The following SCCPDH variants were observed in gnomAD, a reference collection of about 807,000 sequenced individuals.
SCCPDH encodes saccharopine dehydrogenase-like oxidoreductase.
SCCPDH carries 34 observed loss-of-function variants against 51.5 expected under a neutral mutation model. The observed-to-expected ratio is 0.66, with a 90% confidence interval of 0.50 to 0.88. The LOEUF (loss-of-function observed/expected upper bound fraction) is 0.88. Ranked by LOEUF, SCCPDH falls within the 40% of genes least tolerant of loss-of-function variation. SCCPDH has a pLI of 0.00. For missense variants in SCCPDH, 464 were observed against 527.1 expected (o/e 0.88, Z 1.17); for synonymous variants, 187 against 191.3 (o/e 0.98, Z 0.19).
chr1:246,756,168 C>T (rs1668927593), intron 5 of SCCPDH, among the ~76,000 whole-genome samples: 1 of 152,190 alleles, frequency 6.6e-6, no homozygotes, highest in Non-Finnish European at 1.5e-5. Flanking sequence ...TTACTTACAA[C>T]ACGTGGTAAA....
chr1:246,756,073 TG>T (rs1668926266), intron 5 of SCCPDH, among the ~76,000 whole-genome samples: 1 of 152,204 alleles, frequency 6.6e-6, no homozygotes, highest in Non-Finnish European at 1.5e-5. Flanking sequence ...AATGAAAAAG[TG>T]ATACGTTTGT....
At chr1:246,726,745 GTTTTATC>G (rs967865385) in intron 1 of SCCPDH, 140 bp from the exon 2 acceptor site, 23 of 606,026 alleles carry the variant, frequency 3.8e-5, no homozygotes, top group African/African-American at 3.0e-4. Flanking sequence ...ATTAAAAACA[GTTTTATC>G]TTTTGTCTAA....
At chr1:246,757,381 T>C (rs946497587) in intron 5 of SCCPDH, among the ~76,000 whole-genome samples, 3 of 145,884 alleles carry the variant, frequency 2.1e-5, no homozygotes, top group African/African-American at 7.6e-5. Context: ...AGCGCTGTGA[T>C]AGTAAATTCA....
At chr1:246,753,016 CCTCT>C (rs573129715) in intron 5 of SCCPDH, among the ~76,000 whole-genome samples, 5 of 151,028 alleles carry the variant, frequency 3.3e-5, no homozygotes, top group East Asian at 1.9e-4. Context: ...TCTCTCTTTG[CCTCT>C]CTGTCTCTTT....
chr1:246,732,099 A>G (rs1021961010), intron 2 of SCCPDH, among the ~76,000 whole-genome samples: 7 of 150,958 alleles, frequency 4.6e-5, no homozygotes, highest in Admixed American at 3.3e-4. Context: ...ACGTTTTCTT[A>G]ATCCAGTCTA....
intron 1 of SCCPDH, among the ~76,000 whole-genome samples, chr1:246,725,577 C>T (rs1668384230): frequency 1.3e-5 from 2 of 152,188 alleles, no homozygotes; most frequent in Admixed American, 6.5e-5. Flanking sequence ...ATGCCCTGCT[C>T]GGAGTGCTTT....
chr1:246,744,286 T>G (rs1381726890), intron 5 of SCCPDH, among the ~76,000 whole-genome samples, 161 bp downstream of exon 5: 2 of 151,960 alleles, frequency 1.3e-5, no homozygotes, highest in Non-Finnish European at 2.9e-5. Flanking sequence ...ACTTGAAATA[T>G]ACTTTATTTT....
chr1:246,732,787 C>T (rs1467897994), intron 2 of SCCPDH, among the ~76,000 whole-genome samples: 2 of 152,114 alleles, frequency 1.3e-5, no homozygotes, highest in African/African-American at 4.8e-5. Flanking sequence ...ACACTAAGCT[C>T]TTTGTATTCT....
chr1:246,740,180 A>C lies in SCCPDH; in HGVS notation c.393A>C (p.Glu131Asp), dbSNP rs756133396. The change falls in exon 4 of 12, where the codon GAA (glutamate) becomes GAC (aspartate). Residue 131 changes from glutamate (E) to aspartate (D), a missense_variant. Physicochemically the swap from Glu to Asp is conservative, Grantham distance 45. Coordinates refer to ENST00000366510, the MANE Select transcript of SCCPDH (RefSeq NM_016002.3). ...TATCCTGGATTTTTTAGTTTCTGGA[A>C]CTAATGCAACTGAAGTATCATGAGA... ...IDISGEPQFL[E>D]LMQLKYHEKA... The C allele has an allele frequency of 6.3e-7, 1 of 1,584,836 alleles. No homozygotes were observed. Among genetic ancestry groups the C allele is most frequent in the Admixed American group, 1.7e-5 (1 of 58,016 alleles).
chr1:246,765,952 T>C (rs1288692292), intron 10 of SCCPDH, 106 bp from the exon 11 acceptor site: 1 of 722,454 alleles, frequency 1.4e-6, no homozygotes, highest in Non-Finnish European at 2.4e-6. Flanking sequence ...TTGAAAAAAA[T>C]CTGCACACCT....
intron 3 of SCCPDH, among the ~76,000 whole-genome samples, chr1:246,738,926 A>G (rs1272382906): frequency 6.6e-6 from 1 of 152,254 alleles, no homozygotes; most frequent in Non-Finnish European, 1.5e-5. Context: ...CAAATGATTT[A>G]TGTAGCTTCT....
At position 246,727,532 on chromosome 1, in the gene SCCPDH, A is replaced by G. The variant is rs1381337022; in HGVS notation, c.303+528A>G. On this transcript the variant is annotated intron_variant, in intron 2 of 11. Transcript: ENST00000366510. ...CATTACGTTCTTGGGGAAGACAGAA[A>G]AATAGGATTGTAATAGGAGGTAATG... 2.0e-5 allele frequency among the ~76,000 whole-genome samples: 3 copies of G among 152,314 alleles called. No individual in the cohort carries two copies. In the East Asian group the frequency reaches 5.8e-4, roughly 29 times the overall value.
intron 3 of SCCPDH, among the ~76,000 whole-genome samples, chr1:246,736,531 G>GTC (rs1558167871): frequency 7.2e-5 from 11 of 151,970 alleles, no homozygotes; most frequent in Non-Finnish European, 1.6e-4. Context: ...GAAACCCCAT[G>GTC]TCTACTAAAA....
At chr1:246,730,283 G>A (rs1668472184) in intron 2 of SCCPDH, among the ~76,000 whole-genome samples, 3 of 152,124 alleles carry the variant, frequency 2.0e-5, no homozygotes. Flanking sequence ...CGATCCAGCT[G>A]ACCACTTTCT....
rs139412890 is a variant in SCCPDH at position 246,747,160 on chromosome 1, GTC to G, written c.564+3039_564+3040del. On this transcript the variant is annotated intron_variant, in intron 5 of 11. Coordinates refer to ENST00000366510, the MANE Select transcript of SCCPDH (RefSeq NM_016002.3). ...TTTCCCCTCTTGTTTCTCCCTTTTT[GTC>G]TCTTTCTTTTCTTCTGCTTTTCTTT... 7.0e-3 allele frequency among the ~76,000 whole-genome samples: 1,067 copies of G among 152,016 alleles called. 11 individuals carry two copies. Among genetic ancestry groups the G allele is most frequent in the African/African-American group, 0.025 (1,023 of 41,476 alleles).
At chr1:246,737,482 C>CA (rs1262920134) in intron 3 of SCCPDH, among the ~76,000 whole-genome samples, 1 of 151,256 alleles carries the variant, frequency 6.6e-6, no homozygotes, top group Non-Finnish European at 1.5e-5. Flanking sequence ...ACCCTGTCTC[C>CA]AAAAAACAAA....
intron 4 of SCCPDH, among the ~76,000 whole-genome samples, chr1:246,741,367 G>A (rs1290412441): frequency 1.3e-5 from 2 of 151,872 alleles, no homozygotes; most frequent in Non-Finnish European, 2.9e-5. Flanking sequence ...TTGCTCTGCC[G>A]TAGCTCACCG....
intron 2 of SCCPDH, among the ~76,000 whole-genome samples, chr1:246,734,038 A>G (rs1668533402): frequency 6.6e-6 from 1 of 152,180 alleles, no homozygotes; most frequent in Non-Finnish European, 1.5e-5. Context: ...TTTGAAGTAC[A>G]CAAGAATCAC....
intron 9 of SCCPDH, among the ~76,000 whole-genome samples, chr1:246,762,841 C>CAAAAA (rs35066232): frequency 1.1e-5 from 1 of 90,938 alleles, no homozygotes; most frequent in Non-Finnish European, 2.2e-5. Context: ...ATTCCTTCTC[C>CAAAAA]AAAAAAAAAA....
Sources: allele counts gnomAD v4.1 joint callset (sites outside exome capture counted in the v4.1 genomes callset), GRCh38; gene constraint gnomAD v4.1.1; transcripts MANE v1.5; gene names NCBI Gene and HGNC (gene_info 2026-07-23, HGNC 2026-07-21).